Variants in AGBL1 observed in about 807,000 individuals in gnomAD.
The protein encoded by AGBL1 is cytosolic carboxypeptidase 4.
In AGBL1, 130 loss-of-function variants were observed where a neutral mutation model predicts 118.9. That is an observed-to-expected ratio of 1.09 (90% confidence interval 0.95 to 1.26). The LOEUF is 1.26. Among genes scored for constraint, AGBL1 ranks in the 50% most tolerant of loss-of-function variants. The pLI, the probability that AGBL1 is intolerant of heterozygous loss-of-function variation, is 0.00. For missense variants in AGBL1, 1,584 were observed against 1,298.1 expected (o/e 1.22, Z -3.38); for synonymous variants, 555 against 478.9 (o/e 1.16, Z -2.08).
chr15:86,231,419 C>A (rs548856890), intron 6 of AGBL1, among the ~76,000 whole-genome samples: 76 of 152,334 alleles, frequency 5.0e-4, no homozygotes, highest in Non-Finnish European at 9.3e-4. Context: ...TCCACCATAA[C>A]TTCTGGAGAA....
intron 22 of AGBL1, among the ~76,000 whole-genome samples, chr15:86,802,747 G>T (rs1285612734): frequency 6.6e-6 from 1 of 152,076 alleles, no homozygotes; most frequent in African/African-American, 2.4e-5. Flanking sequence ...GAACATAAAG[G>T]TGAGGTAAAG....
chr15:86,492,966 A>G (rs1194799654), intron 18 of AGBL1, among the ~76,000 whole-genome samples: 1 of 152,146 alleles, frequency 6.6e-6, no homozygotes, highest in Non-Finnish European at 1.5e-5. Context: ...AGGTGGGCAG[A>G]TCACGAGGTC....
rs1002379683 is a variant in AGBL1, at chr15:86,154,483, A to G, written c.316A>G (p.Ile106Val). The G allele has an allele frequency of 7.4e-6, 12 of 1,612,960 alleles. No individual in the cohort carries two copies. Among genetic ancestry groups the G allele is most frequent in the Non-Finnish European group, 8.5e-6 (10 of 1,179,578 alleles). Reference protein sequence around the residue: ...LELEALDVTLILARKNLSHGQ... With the variant: ...LELEALDVTLVLARKNLSHGQ... ...ATTGGAAGCACTTGATGTGACATTG[A>G]TTCTGGCCAGGAAGAACCTATCCCA... is the stretch of plus-strand genomic sequence containing the variant. The change falls in exon 4 of 23, where the codon ATT (isoleucine) becomes GTT (valine). Residue 106 changes from isoleucine to valine, a missense_variant. Transcript: ENST00000614907.
chr15:86,179,950 A>G (rs2077530223), intron 5 of AGBL1, among the ~76,000 whole-genome samples: 1 of 152,190 alleles, frequency 6.6e-6, no homozygotes. Flanking sequence ...ATAGTTTACA[A>G]TAGCAATGTA....
intron 1 of AGBL1, among the ~76,000 whole-genome samples, chr15:86,135,262 A>G (rs1597440557): frequency 6.6e-6 from 1 of 152,208 alleles, no homozygotes; most frequent in Non-Finnish European, 1.5e-5. Flanking sequence ...CTCTTGCCTC[A>G]TACCATGAGC....
At chr15:86,265,234 A>G (rs909921157) in intron 11 of AGBL1, among the ~76,000 whole-genome samples, 2 of 152,206 alleles carry the variant, frequency 1.3e-5, no homozygotes, top group Non-Finnish European at 2.9e-5. Flanking sequence ...CTACAAATTG[A>G]TAGGGGATCT....
intron 5 of AGBL1, among the ~76,000 whole-genome samples, chr15:86,200,449 T>C (rs575153080): frequency 2.0e-5 from 3 of 152,212 alleles, no homozygotes; most frequent in South Asian, 4.1e-4. Context: ...AGATTTCAGA[T>C]ACTGGAAGCT....
intron 21 of AGBL1, among the ~76,000 whole-genome samples, chr15:86,672,399 A>G (rs1293073920): frequency 1.3e-5 from 2 of 152,224 alleles, no homozygotes; most frequent in African/African-American, 4.8e-5. Flanking sequence ...CCAGTATGGC[A>G]TATACTGTGA....
intron 5 of AGBL1, among the ~76,000 whole-genome samples, chr15:86,211,706 T>G (rs1199853967): frequency 1.3e-5 from 2 of 152,140 alleles, no homozygotes; most frequent in East Asian, 3.9e-4. Flanking sequence ...AAGCACAGTA[T>G]TTTGGTGGGA....
intron 22 of AGBL1, among the ~76,000 whole-genome samples, chr15:86,722,453 T>C (rs1246684755): frequency 6.6e-6 from 1 of 152,156 alleles, no homozygotes; most frequent in South Asian, 2.1e-4. Context: ...TGGCTAGCCA[T>C]CTGTAGAAAG....
At chr15:86,351,746 AG>A (rs1191712246) in intron 17 of AGBL1, among the ~76,000 whole-genome samples, 1 of 152,172 alleles carries the variant, frequency 6.6e-6, no homozygotes, top group Non-Finnish European at 1.5e-5. Flanking sequence ...TATTTCTACC[AG>A]AGACAAGTAA....
At chr15:86,331,895 A>G (rs148297389) in intron 17 of AGBL1, among the ~76,000 whole-genome samples, 144 of 152,340 alleles carry the variant, frequency 9.5e-4, no homozygotes, top group Non-Finnish European at 1.8e-3. Flanking sequence ...AGTAGAAACT[A>G]CAAAGCAACA....
chr15:86,082,435 A>G (rs1220926733), intron 1 of AGBL1, among the ~76,000 whole-genome samples: 1 of 152,230 alleles, frequency 6.6e-6, no homozygotes, highest in African/African-American at 2.4e-5. Context: ...TTTGAACCAA[A>G]TGTGAGCTTA....
chr15:86,741,832 T>C (rs1461703326), intron 22 of AGBL1, among the ~76,000 whole-genome samples: 1 of 152,148 alleles, frequency 6.6e-6, no homozygotes, highest in East Asian at 1.9e-4. Context: ...AGGACAATGC[T>C]TACATTTAAG....
intron 21 of AGBL1, among the ~76,000 whole-genome samples, chr15:86,599,559 T>A (rs2084462992): frequency 6.6e-6 from 1 of 151,468 alleles, no homozygotes; most frequent in Non-Finnish European, 1.5e-5. Flanking sequence ...AGTGGATGAA[T>A]GGATCGATAA....
chr15:86,109,517 AAAT>A (rs1378095210), intron 1 of AGBL1, among the ~76,000 whole-genome samples: 3 of 152,220 alleles, frequency 2.0e-5, no homozygotes, highest in Non-Finnish European at 4.4e-5. Flanking sequence ...TCTATAGAGA[AAAT>A]AAGGATAATT....
intron 22 of AGBL1, among the ~76,000 whole-genome samples, chr15:86,773,169 G>A (rs1047188174): frequency 3.3e-5 from 5 of 152,048 alleles, no homozygotes; most frequent in African/African-American, 9.7e-5. Flanking sequence ...CTGAGTTGTA[G>A]GGAAGAACAG....
chr15:86,804,435 G>T (rs754039930), intron 22 of AGBL1, among the ~76,000 whole-genome samples: 1 of 152,042 alleles, frequency 6.6e-6, no homozygotes, highest in Non-Finnish European at 1.5e-5. Flanking sequence ...TTTCTCCTTA[G>T]CTGGTTCTCT....
chr15:86,512,259 C>T (rs1185460852), intron 18 of AGBL1, among the ~76,000 whole-genome samples: 1 of 151,840 alleles, frequency 6.6e-6, no homozygotes, highest in East Asian at 1.9e-4. Flanking sequence ...TATCTTTCTG[C>T]TCATTTTGTT....
Sources: gnomAD v4.1 joint callset for allele counts (sites outside exome capture counted in the v4.1 genomes callset) on GRCh38, gnomAD v4.1.1 for gene constraint, MANE v1.5 for transcripts, NCBI Gene and HGNC (gene_info 2026-07-23, HGNC 2026-07-21) for gene names.